LARS2: variants seen among roughly 807,000 people sequenced by gnomAD.
LARS2 encodes leucyl-tRNA synthetase 2, mitochondrial.
Under a neutral mutation model 116.6 loss-of-function variants are expected in LARS2, and 81 were observed. The observed-to-expected ratio is 0.69, with a 90% CI of 0.58 to 0.84. LARS2 has a LOEUF of 0.84. LARS2 is among the 40% of genes least tolerant of loss of function. LARS2 has a pLI of 0.00. For synonymous variants in LARS2, 396 were observed against 407.2 expected (o/e 0.97, Z 0.33); for missense variants, 968 against 1,114.5 (o/e 0.87, Z 1.87).
intron 4 of LARS2, among the ~76,000 whole-genome samples, chr3:45,406,592 C>T (rs984093681): frequency 5.9e-5 from 9 of 152,098 alleles, no homozygotes; most frequent in East Asian, 1.9e-4. Flanking sequence ...AATTAGGAAA[C>T]GGGGTTAGTC....
chr3:45,539,055 A>G (rs1700752298), intron 20 of LARS2, among the ~76,000 whole-genome samples: 1 of 152,250 alleles, frequency 6.6e-6, no homozygotes, highest in Admixed American at 6.5e-5. Context: ...TAATACTTGA[A>G]AGAAAAATCA....
At chr3:45,436,366 C>T (rs994439694) in intron 6 of LARS2, among the ~76,000 whole-genome samples, 1 of 149,466 alleles carries the variant, frequency 6.7e-6, no homozygotes, top group Admixed American at 6.6e-5. Context: ...AAAACAAAAA[C>T]AGGGAACATT....
At chr3:45,465,885 C>T (rs1410853504) in intron 8 of LARS2, among the ~76,000 whole-genome samples, 1 of 152,140 alleles carries the variant, frequency 6.6e-6, no homozygotes, top group African/African-American at 2.4e-5. Context: ...TGACTTCTTG[C>T]GCACACTCCA....
At chr3:45,428,239 G>GTTTTTTTTTTTTT (rs35323496) in intron 6 of LARS2, among the ~76,000 whole-genome samples, 1 of 84,190 alleles carries the variant, frequency 1.2e-5, no homozygotes. Flanking sequence ...ATCTTAACCT[G>GTTTTTTTTTTTTT]TTTTTTTTTT....
At position 45,491,765 on chromosome 3, in the gene LARS2, C is replaced by T. The variant is rs767399874; in HGVS notation, c.1488C>T (p.Ala496=). 6.2e-7 allele frequency: 1 copy of T among 1,613,820 alleles called. No individual in the cohort carries two copies. The highest frequency in any genetic ancestry group is 1.3e-5 in the African/African-American group (1 of 74,926). The change falls in exon 13 of 22, where the codon GCC becomes GCT. Residue 496 remains alanine, a synonymous_variant. Coordinates refer to ENST00000645846, the MANE Select transcript of LARS2 (RefSeq NM_015340.4). ...SFTGKGGPPL[A]MASEWVNCSC... ...CTGGCAAGGGAGGCCCCCCACTGGCCATGGCTTCAGAGTGGGTGAACTGCT... is the reference window on the plus strand; with the variant it reads ...CTGGCAAGGGAGGCCCCCCACTGGCTATGGCTTCAGAGTGGGTGAACTGCT...
intron 3 of LARS2, among the ~76,000 whole-genome samples, chr3:45,395,151 C>G (rs897818115): frequency 2.6e-5 from 4 of 152,314 alleles, no homozygotes; most frequent in Non-Finnish European, 2.9e-5. Flanking sequence ...CACCTGGGCT[C>G]CTCGCTGGCT....
intron 4 of LARS2, among the ~76,000 whole-genome samples, chr3:45,411,732 C>T (rs1413652290): frequency 6.6e-6 from 1 of 152,092 alleles, no homozygotes; most frequent in Non-Finnish European, 1.5e-5. Context: ...TTCAGGAGTA[C>T]ATGTGCAGGT....
intron 21 of LARS2, 64 bp downstream of exon 21, chr3:45,542,020 T>G: frequency 6.3e-7 from 1 of 1,591,892 alleles, no homozygotes; most frequent in Non-Finnish European, 8.6e-7. Flanking sequence ...CCCTAAATAC[T>G]GTGGTGGTTT....
intron 7 of LARS2, among the ~76,000 whole-genome samples, chr3:45,455,206 G>C (rs906575696): frequency 8.7e-5 from 12 of 138,612 alleles, no homozygotes; most frequent in African/African-American, 3.0e-4. Flanking sequence ...CTTCCTCATT[G>C]TATTTTGTAA....
At chr3:45,434,495 A>G (rs1698768788) in intron 6 of LARS2, among the ~76,000 whole-genome samples, 1 of 152,150 alleles carries the variant, frequency 6.6e-6, no homozygotes. Flanking sequence ...AGGTGTGTTC[A>G]TAATTACTTG....
In LARS2 at chr3:45,547,452, G is replaced by C. The variant is rs1371009705; in HGVS notation, c.2634G>C (p.Arg878Ser). 1 of 1,613,852 alleles carries C rather than the reference G, an allele frequency of 6.2e-7. No individual in the cohort carries two copies. The change falls in exon 22 of 22, where the codon AGG (arginine) becomes AGC (serine). Residue 878 changes from arginine (R) to serine (S), a missense_variant. By Grantham distance (110) the Arg-to-Ser change is moderately radical. Transcript: ENST00000645846. ...EFVLQSELGV[R>S]LLQGRSIKKS... ...TTCTTCAAAGCGAGCTGGGTGTCAG[G>C]CTTTTGCAAGGACGAAGCATCAAGA...
At chr3:45,542,210 G>A (rs1239315957) in intron 21 of LARS2, among the ~76,000 whole-genome samples, 5 of 152,188 alleles carry the variant, frequency 3.3e-5, no homozygotes, top group African/African-American at 1.2e-4. Flanking sequence ...GGAAAGGGGA[G>A]TAATAAACCT....
chr3:45,413,358 C>T (rs1317388486), intron 4 of LARS2, among the ~76,000 whole-genome samples: 5 of 152,208 alleles, frequency 3.3e-5, no homozygotes, highest in Admixed American at 6.5e-5. Context: ...ACAGCTGCAG[C>T]GGCCACAGCA....
At chr3:45,389,399 C>T (rs1230816785) in intron 1 of LARS2, among the ~76,000 whole-genome samples, 1 of 152,186 alleles carries the variant, frequency 6.6e-6, no homozygotes, top group Non-Finnish European at 1.5e-5. Flanking sequence ...CTCCAGCATT[C>T]AGCAGCCCGT....
In LARS2 at chr3:45,388,628, CTAAA is replaced by C. The variant is rs1446233139; in HGVS notation, c.-139_-136del. 7 of 152,406 alleles carry C rather than the reference CTAAA, an allele frequency of 4.6e-5. No homozygotes were observed. The highest frequency in any genetic ancestry group is 1.7e-4 in the African/African-American group (7 of 41,586). 9.4% of individuals were successfully genotyped at this position (152,406 alleles called of 1,614,324 possible). A position where few individuals can be genotyped will look rare whatever the true frequency, so the allele number is the denominator to read the frequency against. Reference sequence around the variant, plus strand: ...TGGTCCGTGGCCCGGCAGTGCTCGCCTAAAGGTGGAGAACGAGGAGTAGAGGAGC... The same window carrying C: ...TGGTCCGTGGCCCGGCAGTGCTCGCCGGTGGAGAACGAGGAGTAGAGGAGC... On this transcript the variant is annotated 5_prime_UTR_variant, in exon 1 of 22. The change abolishes the stop of an existing upstream ORF in the 5' untranslated region. Transcript: ENST00000645846.
At chr3:45,436,166 G>A (rs1345352948) in intron 6 of LARS2, among the ~76,000 whole-genome samples, 1 of 152,078 alleles carries the variant, frequency 6.6e-6, no homozygotes, top group South Asian at 2.1e-4. Flanking sequence ...GTTTGCATCC[G>A]TGGAATTGAT....
chr3:45,464,608 TTTG>T (rs1329055983), intron 8 of LARS2, among the ~76,000 whole-genome samples: 2 of 152,030 alleles, frequency 1.3e-5, no homozygotes, highest in Non-Finnish European at 2.9e-5. Flanking sequence ...GTTAGAGAAG[TTTG>T]GTAACTTGAC....
intron 15 of LARS2, among the ~76,000 whole-genome samples, chr3:45,500,831 A>G (rs1478816915): frequency 6.6e-6 from 1 of 152,168 alleles, no homozygotes; most frequent in African/African-American, 2.4e-5. Flanking sequence ...GTAATTAAGA[A>G]TTGTACCTGT....
chr3:45,393,315 GCCTATAAT>G (rs1312891194), intron 2 of LARS2, among the ~76,000 whole-genome samples: 6 of 152,086 alleles, frequency 3.9e-5, no homozygotes, highest in Non-Finnish European at 8.8e-5. Flanking sequence ...GGTGGCTCAC[GCCTATAAT>G]CCTAGCACTT....
Sources: gnomAD v4.1 joint callset for allele counts (sites outside exome capture counted in the v4.1 genomes callset) on GRCh38, gnomAD v4.1.1 for gene constraint, MANE v1.5 for transcripts, NCBI Gene and HGNC (gene_info 2026-07-23, HGNC 2026-07-21) for gene names.